The following GARIN2 variants were observed in gnomAD, a reference collection of about 807,000 sequenced individuals.
GARIN2 encodes the protein golgi associated RAB2 interactor family member 2.
the GARIN2 span, chr14:67,208,508 TA>T: frequency 2.6e-6 from 4 of 1,540,680 alleles, no homozygotes; most frequent in African/African-American, 5.5e-5. Context: ...AATAAAGAAA[TA>T]TGTGCTTTAG....
chr14:67,216,309 G>T, the GARIN2 span, among the ~76,000 whole-genome samples: 1 of 151,902 alleles, frequency 6.6e-6, no homozygotes, highest in Non-Finnish European at 1.5e-5. Context: ...TCATGTCCTT[G>T]TCTGGTTTTG....
At chr14:67,208,216 C>T in the GARIN2 span, 4 of 1,611,998 alleles carry the variant, frequency 2.5e-6, 1 homozygote, top group South Asian at 2.2e-5. Flanking sequence ...AATTGAAAAA[C>T]ATTCTGAAGC....
chr14:67,209,505 G>A, the GARIN2 span, among the ~76,000 whole-genome samples: 2 of 152,134 alleles, frequency 1.3e-5, no homozygotes, highest in South Asian at 2.1e-4. Context: ...ACTCATATAT[G>A]TATGATAACA....
At chr14:67,208,089 G>T in the GARIN2 span, 2 of 1,437,118 alleles carry the variant, frequency 1.4e-6, no homozygotes, top group Non-Finnish European at 9.4e-7. Flanking sequence ...TACTCCTCAC[G>T]GGTGCTCAGT....
At chr14:67,190,718 T>C in the GARIN2 span, among the ~76,000 whole-genome samples, 6 of 152,166 alleles carry the variant, frequency 3.9e-5, no homozygotes, top group Admixed American at 3.3e-4. Flanking sequence ...TTTCAAGAGA[T>C]AGAAGCCACA....
At chr14:67,210,858 G>A in the GARIN2 span, among the ~76,000 whole-genome samples, 1 of 151,960 alleles carries the variant, frequency 6.6e-6, no homozygotes. Context: ...ACAAAAATTA[G>A]TTAGATGTGG....
chr14:67,197,376 T>G, the GARIN2 span: 1 of 152,218 alleles, frequency 6.6e-6, no homozygotes, highest in African/African-American at 2.4e-5. Context: ...TGATGGTTCT[T>G]ACAGATAAAC....
chr14:67,213,540 A>G, the GARIN2 span, among the ~76,000 whole-genome samples: 1 of 151,940 alleles, frequency 6.6e-6, no homozygotes, highest in Non-Finnish European at 1.5e-5. Context: ...TATATGTGCC[A>G]CATTTTCTTA....
the GARIN2 span, among the ~76,000 whole-genome samples, chr14:67,206,369 G>A: frequency 6.6e-6 from 1 of 152,114 alleles, no homozygotes. Context: ...GGTAGTGGGT[G>A]CCTGTAATCC....
chr14:67,213,385 A>G, the GARIN2 span, among the ~76,000 whole-genome samples: 3 of 131,388 alleles, frequency 2.3e-5, no homozygotes, highest in East Asian at 2.3e-4. Context: ...TCATTGTTCA[A>G]TTCCCACCTA....
chr14:67,199,974 G>T, the GARIN2 span: 2 of 1,143,648 alleles, frequency 1.7e-6, no homozygotes, highest in Non-Finnish European at 2.5e-6. Context: ...CCCATCCAGG[G>T]ATGTCTCAGA....
the GARIN2 span, chr14:67,224,055 C>G: frequency 6.8e-5 from 62 of 908,736 alleles, no homozygotes; most frequent in Non-Finnish European, 7.8e-5. Flanking sequence ...ATTCACCCAG[C>G]AATGCTAGTT....
At chr14:67,190,688 G>A in the GARIN2 span, among the ~76,000 whole-genome samples, 1 of 152,230 alleles carries the variant, frequency 6.6e-6, no homozygotes, top group Non-Finnish European at 1.5e-5. Flanking sequence ...AAGCTGAAAG[G>A]TTGGGCATGG....
the GARIN2 span, chr14:67,199,654 G>A: frequency 6.3e-7 from 1 of 1,579,050 alleles, no homozygotes; most frequent in Non-Finnish European, 8.7e-7. Flanking sequence ...TGGCAGCTCA[G>A]AACCCGCTCT....
chr14:67,192,051 C>G, the GARIN2 span, among the ~76,000 whole-genome samples: 13 of 152,214 alleles, frequency 8.5e-5, no homozygotes, highest in African/African-American at 3.1e-4. Flanking sequence ...AGTGCTAGAA[C>G]GAGCTCATCC....
the GARIN2 span, among the ~76,000 whole-genome samples, chr14:67,202,179 G>T: frequency 6.6e-6 from 1 of 152,312 alleles, no homozygotes; most frequent in African/African-American, 2.4e-5. Flanking sequence ...AGCGGCTCAC[G>T]CCTGTAATCC....
the GARIN2 span, among the ~76,000 whole-genome samples, chr14:67,213,959 G>T: frequency 1.3e-5 from 2 of 152,162 alleles, no homozygotes; most frequent in South Asian, 2.1e-4. Flanking sequence ...TGCATAAATG[G>T]CTTCTTTTGA....
the GARIN2 span, chr14:67,225,071 T>C: frequency 1.3e-6 from 2 of 1,506,488 alleles, no homozygotes; most frequent in South Asian, 2.6e-5. Context: ...TTCCTCTCTA[T>C]TGATCTCTCC....
At chr14:67,199,475 G>T in the GARIN2 span, 2 of 1,612,872 alleles carry the variant, frequency 1.2e-6, no homozygotes, top group Admixed American at 3.3e-5. Context: ...CCCTGACACA[G>T]GCAACTCCAA....
Sources: gnomAD v4.1 joint callset for allele counts (sites outside exome capture counted in the v4.1 genomes callset) on GRCh38, gnomAD v4.1.1 for gene constraint, MANE v1.5 for transcripts, NCBI Gene and HGNC (gene_info 2026-07-23, HGNC 2026-07-21) for gene names.